The following CELA3B variants were observed in gnomAD, a reference collection of about 807,000 sequenced individuals.
CELA3B encodes chymotrypsin-like elastase family member 3B.
Under a neutral mutation model 37.2 loss-of-function variants are expected in CELA3B, and 34 were observed. The observed-to-expected ratio is 0.91, with a 90% CI of 0.70 to 1.22. The LOEUF (loss-of-function observed/expected upper bound fraction) is 1.22, where lower values mean the gene tolerates loss of function less well. Ranked by LOEUF, CELA3B falls within the 50% of genes most tolerant of loss-of-function variation. The pLI, the probability that CELA3B is intolerant of heterozygous loss-of-function variation, is 0.00. For synonymous variants in CELA3B, 127 were observed against 143.5 expected (o/e 0.89, Z 0.82); for missense variants, 340 against 363.1 (o/e 0.94, Z 0.52).
chr1:21,996,908 C>G lies in CELA3B; in HGVS notation c.505-1243C>G. Among the ~76,000 whole-genome samples, 2 of 151,274 alleles carry G rather than the reference C, an allele frequency of 1.3e-5. 1 individual carries two copies. Among genetic ancestry groups the G allele is most frequent in the Non-Finnish European group, 2.9e-5 (2 of 67,936 alleles). On this transcript the variant is annotated intron_variant, in intron 4 of 4. Coordinates refer to the CELA3B transcript ENST00000400277. ...CTTCCCCATCCCTGACACTGCTGAC[C>G]CATCTGAGACAGCTGGGGCTGGTAG...
chr1:21,988,948 CATAT>C (rs562650842), intron 7 of CELA3B, among the ~76,000 whole-genome samples: 1 of 144,740 alleles, frequency 6.9e-6, no homozygotes, highest in Non-Finnish European at 1.5e-5. Context: ...TACATACATA[CATAT>C]ATATACACAC....
chr1:21,992,418 C>A (rs1223725617), downstream of CELA3B, among the ~76,000 whole-genome samples: 2 of 151,792 alleles, frequency 1.3e-5, no homozygotes, highest in Non-Finnish European at 2.9e-5. Context: ...AGCATGACAA[C>A]AAGACCCTGT....
Position 21,981,093 on chromosome 1 carries a change from G to T in CELA3B, c.283G>T (p.Gly95Cys), listed in dbSNP as rs1299839830. Residue 95 changes from glycine (G) to cysteine (C), a missense_variant, in exon 4 of 8, where the codon GGC becomes TGC. Physicochemically the swap from Gly to Cys is radical, Grantham distance 159 (BLOSUM62 -3). Transcript: ENST00000337107. ...LGEYDRAVKEGPEQVIPINSG... is the reference protein window; with the variant it reads ...LGEYDRAVKECPEQVIPINSG... ...CGAGTACGACCGTGCTGTGAAGGAG[G>T]GCCCCGAGCAGGTGATCCCCATCAA... 6.2e-7 allele frequency: 1 copy of T among 1,613,686 alleles called. No individual in the cohort carries two copies. Among genetic ancestry groups the T allele is most frequent in the Non-Finnish European group, 8.5e-7 (1 of 1,180,030 alleles).
chr1:21,981,078 C>G lies in CELA3B; in HGVS notation c.268C>G (p.Arg90Gly). ...TYQVVLGEYD[R>G]AVKEGPEQVI... ...CCAGGTGGTGTTGGGCGAGTACGAC[C>G]GTGCTGTGAAGGAGGGCCCCGAGCA... The change falls in exon 4 of 8, where the codon CGT becomes GGT. Residue 90 changes from arginine (R) to glycine (G), a missense_variant. Coordinates refer to ENST00000337107, the MANE Select transcript of CELA3B (RefSeq NM_007352.4). 1.2e-6 allele frequency: 2 copies of G among 1,613,918 alleles called. No homozygotes were observed. Among genetic ancestry groups the G allele is most frequent in the South Asian group, 1.1e-5 (1 of 91,074 alleles).
At chr1:21,983,588 A>G (rs1367765991) in intron 4 of CELA3B, 106 bp from the exon 5 acceptor site, 1 of 1,503,042 alleles carries the variant, frequency 6.7e-7, no homozygotes, top group South Asian at 1.3e-5. Flanking sequence ...TTGGAGGGTG[A>G]AGGAGCTGGG....
chr1:21,983,365 AT>A (rs943747959), intron 4 of CELA3B, among the ~76,000 whole-genome samples: 4 of 138,888 alleles, frequency 2.9e-5, no homozygotes, highest in African/African-American at 1.1e-4. Flanking sequence ...AAAAAAAAAA[AT>A]AAAAAAATTT....
intron 2 of CELA3B, among the ~76,000 whole-genome samples, chr1:21,979,025 G>A (rs1479836530): frequency 1.4e-5 from 2 of 145,628 alleles, no homozygotes; most frequent in Non-Finnish European, 3.0e-5. Flanking sequence ...CCAGCCCTGG[G>A]CAACAGAGTG....
chr1:21,984,411 G>A (rs1346091557), intron 6 of CELA3B, 80 bp downstream of exon 6: 50 of 1,550,408 alleles, frequency 3.2e-5, no homozygotes, highest in Non-Finnish European at 4.3e-5. Flanking sequence ...GAAGGTGGAG[G>A]AAGGATCTTG....
chr1:21,983,864 C>T (rs1415293145), intron 5 of CELA3B, 34 bp downstream of exon 5: 16 of 1,610,180 alleles, frequency 9.9e-6, no homozygotes, highest in Non-Finnish European at 1.4e-5. Flanking sequence ...GCCACAGGGA[C>T]AGTGGCAGAA....
intron 2 of CELA3B, among the ~76,000 whole-genome samples, chr1:21,979,096 G>A (rs369720197): frequency 1.3e-5 from 2 of 151,222 alleles, no homozygotes; most frequent in African/African-American, 4.8e-5. Flanking sequence ...TATTGAGACA[G>A]AGTTTCACTC....
Position 21,986,674 on chromosome 1 carries a change from G to C in CELA3B, c.786G>C (p.Trp262Cys), listed in dbSNP as rs1486809882. 1.2e-6 allele frequency: 2 copies of C among 1,613,378 alleles called. No homozygotes were observed. Among genetic ancestry groups the C allele is most frequent in the Admixed American group, 1.7e-5 (1 of 59,776 alleles). ...CTCGAGTCTCCGCCTTCATTGACTG[G>C]ATTGAGGAGGTGAGGAGGGCAGGGC... ...VFTRVSAFID[W>C]IEETIASH Residue 262 changes from tryptophan to cysteine, a missense_variant, in exon 7 of 8, where the codon TGG (tryptophan) becomes TGC (cysteine). By Grantham distance (215) the Trp-to-Cys change is radical. Transcript: ENST00000337107.
chr1:21,979,390 AT>A (rs1396279815), intron 2 of CELA3B, among the ~76,000 whole-genome samples: 6 of 151,512 alleles, frequency 4.0e-5, no homozygotes, highest in African/African-American at 2.4e-5. Context: ...CTTACATTAA[AT>A]AATGTTAACA....
intron 6 of CELA3B, among the ~76,000 whole-genome samples, chr1:21,986,062 C>A (rs1427639633): frequency 1.5e-5 from 2 of 134,172 alleles, no homozygotes; most frequent in Non-Finnish European, 3.2e-5. Flanking sequence ...TGGACAGATA[C>A]TACTATTCCC....
At chr1:21,994,314 C>T (rs549124033), downstream of CELA3B, among the ~76,000 whole-genome samples, 70 of 150,980 alleles carry the variant, frequency 4.6e-4, 3 homozygotes, top group African/African-American at 1.6e-3. Flanking sequence ...CCACTGCTCC[C>T]ACCAGACATG....
rs1234956038 is a variant in CELA3B at position 21,984,212 on chromosome 1, C to G, written c.523C>G (p.Leu175Val). 6.2e-7 allele frequency: 1 copy of G among 1,614,022 alleles called. No individual in the cohort carries two copies. Among genetic ancestry groups the G allele is most frequent in the East Asian group, 2.2e-5 (1 of 44,888 alleles). ...AGCCAACGGGCCACTCCCAGACAAG[C>G]TGCAGGAGGCCCTGCTGCCGGTGGT... is the stretch of plus-strand genomic sequence containing the variant. Reference protein sequence around the residue: ...LYTNGPLPDKLQEALLPVVDY... With the variant: ...LYTNGPLPDKVQEALLPVVDY... Residue 175 changes from leucine to valine, a missense_variant, in exon 6 of 8, where the codon CTG becomes GTG. Leu to Val is a conservative substitution (Grantham distance 32, BLOSUM62 1). Coordinates refer to ENST00000337107, the MANE Select transcript of CELA3B (RefSeq NM_007352.4).
At chr1:21,993,236 G>A (rs1356137056), downstream of CELA3B, among the ~76,000 whole-genome samples, 1 of 151,342 alleles carries the variant, frequency 6.6e-6, no homozygotes, top group Non-Finnish European at 1.5e-5. Flanking sequence ...TGAGGCAGGT[G>A]GGTCACTTGA....
intron 4 of CELA3B, among the ~76,000 whole-genome samples, chr1:21,997,379 C>A (rs1419890771): frequency 9.8e-6 from 1 of 101,742 alleles, no homozygotes; most frequent in Non-Finnish European, 2.0e-5. Flanking sequence ...AAGACAAGAG[C>A]AAGACTCGTC....
chr1:21,996,819 T>C (rs1486504736), intron 4 of CELA3B, among the ~76,000 whole-genome samples: 8 of 151,080 alleles, frequency 5.3e-5, no homozygotes, highest in Non-Finnish European at 8.8e-5. Flanking sequence ...ACCTGCATAC[T>C]GTCCTAGCCC....
At position 21,981,075 on chromosome 1, in the gene CELA3B, G is replaced by A. The variant is rs369079072; in HGVS notation, c.265G>A (p.Asp89Asn). The change falls in exon 4 of 8, where the codon GAC becomes AAC. Residue 89 changes from aspartate (D) to asparagine (N), a missense_variant. Physicochemically the swap from Asp to Asn is conservative, Grantham distance 23 (BLOSUM62 1). Coordinates refer to ENST00000337107, the MANE Select transcript of CELA3B (RefSeq NM_007352.4). Reference sequence around the variant, plus strand: ...CTACCAGGTGGTGTTGGGCGAGTACGACCGTGCTGTGAAGGAGGGCCCCGA... The same window carrying A: ...CTACCAGGTGGTGTTGGGCGAGTACAACCGTGCTGTGAAGGAGGGCCCCGA... ...RTYQVVLGEY[D>N]RAVKEGPEQV... 15 of 1,614,002 alleles carry A rather than the reference G, an allele frequency of 9.3e-6. No homozygotes were observed. Among genetic ancestry groups the A allele is most frequent in the African/African-American group, 4.0e-5 (3 of 75,032 alleles).
Sources: gnomAD v4.1 joint callset for allele counts (sites outside exome capture counted in the v4.1 genomes callset) on GRCh38, gnomAD v4.1.1 for gene constraint, MANE v1.5 for transcripts, NCBI Gene and HGNC (gene_info 2026-07-23, HGNC 2026-07-21) for gene names.